DIAPH2: variants seen among roughly 807,000 people sequenced by gnomAD.
The protein encoded by DIAPH2 is diaphanous related formin 2, also known as protein diaphanous homolog 2.
In DIAPH2, 35 loss-of-function variants were observed where a neutral mutation model predicts 92.7. The ratio of observed to expected loss-of-function variants is 0.38; its 90% CI spans 0.29 to 0.50. The LOEUF is 0.50. Ranked by LOEUF, DIAPH2 falls within the 20% of genes least tolerant of loss-of-function variation. DIAPH2 has a pLI of 0.94. For synonymous variants in DIAPH2, 301 were observed against 280.4 expected, an observed-to-expected ratio of 1.07 and a Z score of -0.73; for missense variants, 701 against 819.5, an observed-to-expected ratio of 0.86 and a Z score of 1.77.
At chrX:96,882,959 C>CAAAAAAAAAAAAAAAAAAAAAAAAAAAAA (rs1211958338) in intron 5 of DIAPH2, among the ~76,000 whole-genome samples, 2 of 32,002 alleles carry the variant, frequency 6.2e-5, no homozygotes, top group African/African-American at 1.1e-4. Context: ...ACCCTGTCTC[C>CAAAAAAAAAAAAAAAAAAAAAAAAAAAAA]AAAAAAAAAA....
intron 26 of DIAPH2, chrX:97,453,853 T>C (rs1361010913): frequency 1.8e-5 from 2 of 111,433 alleles, no homozygotes; most frequent in African/African-American, 6.5e-5. Flanking sequence ...CTTTTATATC[T>C]GTGTAGGTGT....
intron 17 of DIAPH2, among the ~76,000 whole-genome samples, chrX:97,064,537 C>G (rs1039006357): frequency 1.2e-4 from 13 of 110,273 alleles, no homozygotes; most frequent in African/African-American, 3.6e-4. Context: ...TTCCATCTCT[C>G]GTCTCTAGTC....
intron 26 of DIAPH2, among the ~76,000 whole-genome samples, chrX:97,466,456 C>G (rs1340906010): frequency 1.9e-5 from 1 of 51,642 alleles, no homozygotes; most frequent in Non-Finnish European, 3.7e-5. Context: ...TTTGGTGGGA[C>G]TCTTTACTGA....
At chrX:96,726,746 A>T (rs1041386750) in intron 1 of DIAPH2, among the ~76,000 whole-genome samples, 2 of 112,284 alleles carry the variant, frequency 1.8e-5, no homozygotes, top group Non-Finnish European at 3.8e-5. Flanking sequence ...ATTTAGGCAA[A>T]TGACTTAATG....
intron 23 of DIAPH2, among the ~76,000 whole-genome samples, chrX:97,273,664 TAC>T (rs1482138906): frequency 4.5e-5 from 5 of 112,063 alleles, no homozygotes; most frequent in Non-Finnish European, 9.4e-5. Flanking sequence ...TAATCAGTGA[TAC>T]TCAGATATTT....
chrX:97,317,506 A>T (rs997838023), intron 23 of DIAPH2, among the ~76,000 whole-genome samples: 2 of 112,238 alleles, frequency 1.8e-5, no homozygotes, highest in Non-Finnish European at 3.8e-5. Context: ...ATGATAATTC[A>T]AGTTAAATCA....
chrX:97,604,045 CTTG>C lies in DIAPH2; in HGVS notation c.*4734_*4736del, dbSNP rs917674455. The C allele has an allele frequency of 1.8e-5, 2 of 112,513 alleles. No individual in the cohort carries two copies. The highest frequency in any genetic ancestry group is 3.2e-5 in the African/African-American group (1 of 30,858). The allele number at this position is 112,513 out of a possible 1,213,427, so 9.3% of individuals were successfully genotyped here. On this transcript the variant is annotated 3_prime_UTR_variant, in exon 27 of 27. Coordinates refer to ENST00000324765, the MANE Select transcript of DIAPH2 (RefSeq NM_006729.5). ...GCTTAAAACAATAGAAATTTATTAT[CTTG>C]TTGTTTTGGAGGCCAAAAGTCCAAA...
At chrX:96,870,247 T>G (rs1403964733) in intron 4 of DIAPH2, among the ~76,000 whole-genome samples, 1 of 110,680 alleles carries the variant, frequency 9.0e-6, no homozygotes, top group Non-Finnish European at 1.9e-5. Context: ...TATAGAAGTT[T>G]AAGGTATCCT....
intron 26 of DIAPH2, among the ~76,000 whole-genome samples, chrX:97,550,811 C>G (rs1006495085): frequency 9.0e-6 from 1 of 111,449 alleles, no homozygotes; most frequent in Non-Finnish European, 1.9e-5. Flanking sequence ...TCTTCTCTGG[C>G]TACTTTGTGG....
At chrX:97,024,408 C>T (rs2066317978) in intron 17 of DIAPH2, among the ~76,000 whole-genome samples, 1 of 111,870 alleles carries the variant, frequency 8.9e-6, no homozygotes, top group African/African-American at 3.3e-5. Flanking sequence ...GAGCCAGTGT[C>T]TCTAAAACAG....
At chrX:97,002,074 A>G (rs1179094585) in intron 17 of DIAPH2, among the ~76,000 whole-genome samples, 3 of 111,040 alleles carry the variant, frequency 2.7e-5, no homozygotes, top group South Asian at 7.7e-4. Context: ...CCACAAATGT[A>G]TATTAGTCTC....
At chrX:97,390,833 G>T (rs887664635) in intron 25 of DIAPH2, among the ~76,000 whole-genome samples, 1 of 112,026 alleles carries the variant, frequency 8.9e-6, no homozygotes, top group Admixed American at 9.5e-5. Context: ...CATTGAGACC[G>T]TAAGATAAAT....
chrX:96,937,411 C>T lies in DIAPH2; in HGVS notation c.1208+60C>T, dbSNP rs1192125502. 9.8e-6 allele frequency: 7 copies of T among 713,727 alleles called. No individual in the cohort carries two copies. In the Admixed American group the frequency reaches 1.8e-4, roughly 19 times the overall value. 58.8% of individuals were successfully genotyped at this position (713,727 alleles called of 1,213,427 possible). On this transcript the variant is annotated intron_variant, in intron 11 of 26. Coordinates refer to ENST00000324765, the MANE Select transcript of DIAPH2 (RefSeq NM_006729.5). ...GCATTGTGAGAAAGGGATTTGTGGG[C>T]GATTTTGTGGAACATTATTAGAGTT...
chrX:97,510,308 T>G (rs1305926993), intron 26 of DIAPH2, among the ~76,000 whole-genome samples: 2 of 111,972 alleles, frequency 1.8e-5, no homozygotes, highest in Non-Finnish European at 3.8e-5. Context: ...AAATGTCTTC[T>G]TTTGAGAAGT....
chrX:97,114,626 G>A (rs2067004724), intron 20 of DIAPH2, 100 bp from the exon 21 acceptor site: 1 of 755,156 alleles, frequency 1.3e-6, no homozygotes. Context: ...CTGACTTTAT[G>A]CAGAAATGTT....
intron 26 of DIAPH2, among the ~76,000 whole-genome samples, chrX:97,588,804 A>G (rs1296413156): frequency 9.4e-6 from 1 of 105,939 alleles, no homozygotes; most frequent in Non-Finnish European, 1.9e-5. Context: ...TTTCCATTAT[A>G]GTATACTTAG....
At position 96,685,087 on chromosome X, in the gene DIAPH2, G is replaced by A; in HGVS notation, c.29G>A (p.Gly10Glu). The change falls in exon 1 of 27, where the codon GGA becomes GAA. Residue 10 changes from glycine (G) to glutamate (E), a missense_variant. Gly to Glu is a moderately conservative substitution (Grantham distance 98, BLOSUM62 -2). Transcript: ENST00000324765. ...GAGCAGCCCGGGGCGGCGGCGTCGG[G>A]AGCGGGAGGCGGCAGCGAGGAACCC... Reference protein sequence around the residue: MEQPGAAASGAGGGSEEPGG... With the variant: MEQPGAAASEAGGGSEEPGG... The A allele has an allele frequency of 9.9e-7, 1 of 1,010,933 alleles. No homozygotes were observed. Among genetic ancestry groups the A allele is most frequent in the East Asian group, 4.0e-5 (1 of 24,996 alleles). The allele number at this position is 1,010,933 out of a possible 1,213,427, so 83.3% of individuals were successfully genotyped here.
At chrX:96,976,893 ATCATACCAACC>A (rs1270799693) in intron 17 of DIAPH2, among the ~76,000 whole-genome samples, 17 of 111,697 alleles carry the variant, frequency 1.5e-4, no homozygotes, top group African/African-American at 3.9e-4. Context: ...TTAAATTCAT[ATCATACCAACC>A]TCATACCAAC....
intron 17 of DIAPH2, among the ~76,000 whole-genome samples, chrX:96,981,545 A>G (rs1187380792): frequency 8.9e-6 from 1 of 112,145 alleles, no homozygotes; most frequent in East Asian, 2.8e-4. Flanking sequence ...CCTTCACTAT[A>G]TGCCAGGTAC....
Sources: gnomAD v4.1 joint callset for allele counts (sites outside exome capture counted in the v4.1 genomes callset) on GRCh38, gnomAD v4.1.1 for gene constraint, MANE v1.5 for transcripts, NCBI Gene and HGNC (gene_info 2026-07-23, HGNC 2026-07-21) for gene names.